ODAD2: variants seen among roughly 807,000 people sequenced by gnomAD.
ODAD2 encodes outer dynein arm docking complex subunit 2.
A neutral mutation model predicts 106.8 loss-of-function variants in ODAD2; 89 were observed. The ratio of observed to expected loss-of-function variants is 0.83; its 90% CI spans 0.70 to 0.99. The LOEUF (loss-of-function observed/expected upper bound fraction) is 0.99, where lower values mean the gene tolerates loss of function less well. ODAD2 is among the 50% of genes least tolerant of loss of function. The pLI, the probability that ODAD2 is intolerant of heterozygous loss-of-function variation, is 0.00. For missense variants in ODAD2, 1,168 were observed against 1,238.5 expected, an observed-to-expected ratio of 0.94 and a Z score of 0.85; for synonymous variants, 404 against 436.2, an observed-to-expected ratio of 0.93 and a Z score of 0.92.
At chr10:27,921,311 G>GA (rs147550795) in intron 16 of ODAD2, among the ~76,000 whole-genome samples, 19 of 141,146 alleles carry the variant, frequency 1.3e-4, no homozygotes, top group East Asian at 4.1e-4. Flanking sequence ...AAAAAAAAAA[G>GA]AAAAAAAAAA....
intron 19 of ODAD2, among the ~76,000 whole-genome samples, chr10:27,833,193 T>C (rs940931286): frequency 6.6e-6 from 1 of 152,256 alleles, no homozygotes; most frequent in Admixed American, 6.5e-5. Flanking sequence ...ATACAGTGCA[T>C]GCTTTCTAAA....
At chr10:27,889,431 G>A (rs1259501012) in intron 17 of ODAD2, among the ~76,000 whole-genome samples, 1 of 152,204 alleles carries the variant, frequency 6.6e-6, no homozygotes, top group Non-Finnish European at 1.5e-5. Context: ...CCTAAGCACA[G>A]ATATAATCAT....
intron 10 of ODAD2, among the ~76,000 whole-genome samples, chr10:27,960,313 CATTATTATT>C (rs72020123): frequency 0.045 from 6,231 of 138,572 alleles, 203 homozygotes; most frequent in African/African-American, 0.082. Context: ...TTATTTATTT[CATTATTATT>C]ATTATTATTA....
At chr10:27,946,814 A>C (rs144318239) in intron 10 of ODAD2, among the ~76,000 whole-genome samples, 27 of 152,354 alleles carry the variant, frequency 1.8e-4, no homozygotes, top group African/African-American at 6.3e-4. Flanking sequence ...GGCTTTTAAA[A>C]TAAGAAACCG....
At chr10:27,932,501 T>C (rs1845684831) in intron 16 of ODAD2, among the ~76,000 whole-genome samples, 1 of 152,228 alleles carries the variant, frequency 6.6e-6, no homozygotes, top group Non-Finnish European at 1.5e-5. Context: ...TGATATAGTC[T>C]ATCGAGTGAT....
chr10:27,936,861 G>T lies in ODAD2; in HGVS notation c.2117C>A (p.Thr706Asn). The change falls in exon 15 of 20, where the codon ACC (threonine) becomes AAC (asparagine). Residue 706 changes from threonine to asparagine, a missense_variant. Thr to Asn is a moderately conservative substitution (Grantham distance 65). This residue lies in a region of ODAD2 where 701 missense variants were observed against 712.3 expected (regional missense o/e 0.98). Transcript: ENST00000305242. ...AIYQCAEDKETRDLVRLHGGL... is the reference protein window; with the variant it reads ...AIYQCAEDKENRDLVRLHGGL... ...TCCGTGCAGCCTAACGAGGTCCCGG[G>T]TTTCCTTATCTTCAGCACACTGCAC... 6.2e-7 allele frequency: 1 copy of T among 1,611,302 alleles called. No homozygotes were observed. Among genetic ancestry groups the T allele is most frequent in the Non-Finnish European group, 8.5e-7 (1 of 1,179,130 alleles).
intron 16 of ODAD2, among the ~76,000 whole-genome samples, chr10:27,927,612 T>C (rs1845340747): frequency 6.6e-6 from 1 of 152,154 alleles, no homozygotes; most frequent in Non-Finnish European, 1.5e-5. Context: ...ACTAACCTCC[T>C]TGTTGCACAA....
intron 8 of ODAD2, among the ~76,000 whole-genome samples, chr10:27,969,891 A>C (rs1480100434): frequency 2.0e-5 from 3 of 152,122 alleles, no homozygotes; most frequent in Non-Finnish European, 4.4e-5. Flanking sequence ...GGATTACTTG[A>C]GCTCAGGAGT....
chr10:27,941,015 T>A (rs146150537), intron 12 of ODAD2, among the ~76,000 whole-genome samples: 1 of 152,276 alleles, frequency 6.6e-6, no homozygotes, highest in East Asian at 1.9e-4. Context: ...AGCTTATACA[T>A]TTCCTTCCCA....
intron 17 of ODAD2, among the ~76,000 whole-genome samples, chr10:27,886,771 T>C (rs1425335294): frequency 6.6e-6 from 1 of 151,622 alleles, no homozygotes; most frequent in East Asian, 1.9e-4. Flanking sequence ...AAAAGTGGAG[T>C]TGTATACAAT....
intron 17 of ODAD2, among the ~76,000 whole-genome samples, chr10:27,905,561 C>T (rs1843528232): frequency 6.6e-6 from 1 of 152,196 alleles, no homozygotes; most frequent in African/African-American, 2.4e-5. Flanking sequence ...ATAGCCAAGA[C>T]AATCTTAAGC....
At chr10:27,867,923 T>C (rs746581500) in intron 17 of ODAD2, among the ~76,000 whole-genome samples, 1 of 151,200 alleles carries the variant, frequency 6.6e-6, no homozygotes, top group Non-Finnish European at 1.5e-5. Context: ...CACTCCAGCC[T>C]GGGTGACAGA....
At chr10:27,881,963 C>T (rs1047034024) in intron 17 of ODAD2, among the ~76,000 whole-genome samples, 1 of 151,692 alleles carries the variant, frequency 6.6e-6, no homozygotes, top group Non-Finnish European at 1.5e-5. Context: ...CCCAGAAGTT[C>T]GAGACCAGAC....
intron 7 of ODAD2, among the ~76,000 whole-genome samples, chr10:27,973,258 C>G (rs1307473903): frequency 8.3e-6 from 1 of 120,396 alleles, no homozygotes; most frequent in African/African-American, 3.6e-5. Context: ...CATACATACG[C>G]TGAGACAGCC....
chr10:27,959,523 G>T (rs1018227191), intron 10 of ODAD2, among the ~76,000 whole-genome samples: 2 of 152,144 alleles, frequency 1.3e-5, no homozygotes, highest in South Asian at 4.1e-4. Flanking sequence ...GTGCGTGCCA[G>T]TCTGGACCAC....
intron 19 of ODAD2, among the ~76,000 whole-genome samples, chr10:27,839,661 A>G (rs1210328357): frequency 6.6e-6 from 1 of 152,176 alleles, no homozygotes; most frequent in South Asian, 2.1e-4. Context: ...CGCCAGAAAA[A>G]CGCTGTGGTT....
chr10:27,950,153 T>C (rs1395518557), intron 10 of ODAD2, among the ~76,000 whole-genome samples: 1 of 152,112 alleles, frequency 6.6e-6, no homozygotes, highest in Admixed American at 6.5e-5. Flanking sequence ...ATTCTCAGCA[T>C]TTTTTCCTTC....
rs187080729 is a variant in ODAD2 at position 27,893,550 on chromosome 10, C to A, written c.2610+14113G>T. Reference sequence around the variant, plus strand: ...TTACTGTCAGTGCCATTAATCCAAACAAAGACGTTATTTCAAAGTGATGCC... The same window carrying A: ...TTACTGTCAGTGCCATTAATCCAAAAAAAGACGTTATTTCAAAGTGATGCC... On this transcript the variant is annotated intron_variant, in intron 17 of 19. Coordinates refer to ENST00000305242, the MANE Select transcript of ODAD2 (RefSeq NM_018076.5). 9.5e-3 allele frequency among the ~76,000 whole-genome samples: 839 copies of A among 88,300 alleles called. 6 individuals carry two copies. Among genetic ancestry groups the A allele is most frequent in the African/African-American group, 0.028 (795 of 27,958 alleles). 57.9% of individuals were successfully genotyped at this position (88,300 alleles called of 152,430 possible).
rs779705785 is a variant in ODAD2, at chr10:27,987,474, T to C, written c.294A>G (p.Gln98=). ...GQPLLFLSVP[Q]IKIRSFGQLS... ...GCTGCCCAAAGCTCCTAATTTTAATTTGTGGTACAGAGAGAAATAGCAAAG... is the reference window on the plus strand; with the variant it reads ...GCTGCCCAAAGCTCCTAATTTTAATCTGTGGTACAGAGAGAAATAGCAAAG... Residue 98 remains glutamine, a synonymous_variant, in exon 3 of 20, where the codon CAA becomes CAG. Transcript: ENST00000305242. 1.9e-6 allele frequency: 3 copies of C among 1,613,966 alleles called. No individual in the cohort carries two copies. The highest frequency in any genetic ancestry group is 1.1e-5 in the South Asian group (1 of 91,048).
Sources: gnomAD v4.1 joint callset for allele counts (sites outside exome capture counted in the v4.1 genomes callset) on GRCh38, gnomAD v4.1.1 for gene constraint, gnomAD v4.1.1 regional missense constraint, MANE v1.5 for transcripts, NCBI Gene and HGNC (gene_info 2026-07-23, HGNC 2026-07-21) for gene names.